ZNF678: variants seen among roughly 807,000 people sequenced by gnomAD.
ZNF678 encodes the protein hypothetical protein MGC42493.
A neutral mutation model predicts 3.0 loss-of-function variants in ZNF678; 5 were observed. That is an observed-to-expected ratio of 1.69 (90% CI 0.88 to 3.56). ZNF678 has a LOEUF of 3.56. Ranked by LOEUF, ZNF678 falls within the 30% of genes most tolerant of loss-of-function variation. The probability of loss-of-function intolerance (pLI) is 0.00; values close to 1 mark genes in which losing one functional copy is unlikely to be tolerated. For synonymous variants in ZNF678, 218 were observed against 199.6 expected (o/e 1.09, Z -0.78); for missense variants, 593 against 605.0 (o/e 0.98, Z 0.21).
chr1:227,589,989 C>G (rs750511965), intron 1 of ZNF678, among the ~76,000 whole-genome samples: 25 of 151,752 alleles, frequency 1.6e-4, no homozygotes, highest in Admixed American at 1.3e-3. Flanking sequence ...CTGTGTCTCC[C>G]TGCATGACAG....
chr1:227,572,368 G>A (rs1656869787), intron 1 of ZNF678, among the ~76,000 whole-genome samples: 2 of 152,232 alleles, frequency 1.3e-5, no homozygotes, highest in African/African-American at 2.4e-5. Context: ...TCTTTGCCAA[G>A]TTCACCTCAG....
intron 1 of ZNF678, among the ~76,000 whole-genome samples, chr1:227,629,251 T>C (rs1367015358): frequency 6.6e-6 from 1 of 152,190 alleles, no homozygotes; most frequent in African/African-American, 2.4e-5. Context: ...TTGAAGGGAA[T>C]GGGCATTCTT....
intron 1 of ZNF678, among the ~76,000 whole-genome samples, chr1:227,613,820 A>G (rs1031697872): frequency 9.2e-5 from 14 of 152,020 alleles, no homozygotes; most frequent in Admixed American, 4.6e-4. Flanking sequence ...TTTACTGTGT[A>G]CCTTGCCTGC....
At chr1:227,570,415 A>G (rs1331883388) in intron 1 of ZNF678, among the ~76,000 whole-genome samples, 1 of 152,230 alleles carries the variant, frequency 6.6e-6, no homozygotes, top group East Asian at 1.9e-4. Context: ...GAGTTAACTT[A>G]CAGATTGCTT....
chr1:227,592,631 C>T (rs778646122), intron 1 of ZNF678, among the ~76,000 whole-genome samples: 5 of 152,198 alleles, frequency 3.3e-5, no homozygotes, highest in Non-Finnish European at 5.9e-5. Context: ...TTAACTGTCA[C>T]CCACTAAAAT....
chr1:227,570,942 TCCA>T (rs112218709), intron 1 of ZNF678, among the ~76,000 whole-genome samples: 31 of 152,300 alleles, frequency 2.0e-4, no homozygotes, highest in African/African-American at 6.7e-4. Context: ...AAGATTTTCA[TCCA>T]CTTTTTTCAA....
intron 1 of ZNF678, among the ~76,000 whole-genome samples, chr1:227,584,672 A>C (rs571059916): frequency 7.9e-5 from 12 of 152,382 alleles, no homozygotes; most frequent in Admixed American, 7.8e-4. Flanking sequence ...GATTGTGCTC[A>C]ACTCTAAATA....
chr1:227,646,339 G>A (rs1396484092), intron 1 of ZNF678, among the ~76,000 whole-genome samples: 2 of 151,700 alleles, frequency 1.3e-5, no homozygotes, highest in Non-Finnish European at 2.9e-5. Context: ...TAAAAATATA[G>A]CATCTACACT....
At chr1:227,673,499 T>TA (rs1157764060) in intron 5 of ZNF678, among the ~76,000 whole-genome samples, 2 of 152,240 alleles carry the variant, frequency 1.3e-5, no homozygotes, top group Non-Finnish European at 2.9e-5. Flanking sequence ...CAAACATCTT[T>TA]AGTCACCTTC....
At chr1:227,633,489 G>A (rs1658602579) in intron 1 of ZNF678, among the ~76,000 whole-genome samples, 1 of 152,210 alleles carries the variant, frequency 6.6e-6, no homozygotes, top group African/African-American at 2.4e-5. Context: ...AAAGGTGGGT[G>A]CAGTCACCTT....
chr1:227,572,564 A>G lies in ZNF678; in HGVS notation c.-164+8840A>G, dbSNP rs114581801. On this transcript the variant is annotated intron_variant, in intron 1 of 3. Transcript: ENST00000343776. ...GGTGGGGAAGAGCGATGGGCACCCA[A>G]TCCTAGCTCACATGCCAAGTGCCAT... Among the ~76,000 whole-genome samples the G allele has an allele frequency of 3.8e-3, 582 of 152,274 alleles. 6 individuals carry two copies. Among genetic ancestry groups the G allele is most frequent in the African/African-American group, 0.013 (552 of 41,554 alleles).
At chr1:227,651,812 A>C (rs1659098585) in intron 3 of ZNF678, among the ~76,000 whole-genome samples, 1 of 152,142 alleles carries the variant, frequency 6.6e-6, no homozygotes, top group South Asian at 2.1e-4. Context: ...GGCCTGAAGT[A>C]ATCCTTCTGC....
At chr1:227,664,211 A>G (rs895731148), downstream of ZNF678, among the ~76,000 whole-genome samples, 30 of 152,216 alleles carry the variant, frequency 2.0e-4, no homozygotes, top group African/African-American at 7.2e-4. Context: ...GGCATAAAAG[A>G]GAATTCCCAT....
At chr1:227,592,916 G>A (rs904228862) in intron 1 of ZNF678, among the ~76,000 whole-genome samples, 1 of 152,242 alleles carries the variant, frequency 6.6e-6, no homozygotes, top group African/African-American at 2.4e-5. Context: ...ACTCGGGGAT[G>A]AACAAGGGCT....
intron 1 of ZNF678, among the ~76,000 whole-genome samples, chr1:227,601,346 G>GAA (rs1657732718): frequency 1.3e-5 from 2 of 152,012 alleles, no homozygotes; most frequent in Non-Finnish European, 2.9e-5. Flanking sequence ...TAATAATACT[G>GAA]ATTTTTTTAA....
intron 1 of ZNF678, among the ~76,000 whole-genome samples, chr1:227,641,553 A>T (rs1427841293): frequency 6.6e-6 from 1 of 152,084 alleles, no homozygotes; most frequent in African/African-American, 2.4e-5. Flanking sequence ...TTTTGTTTTT[A>T]GTTGCTTTTT....
At chr1:227,599,102 C>G (rs1657668002) in intron 1 of ZNF678, 9 of 1,593,556 alleles carry the variant, frequency 5.6e-6, no homozygotes, top group Non-Finnish European at 7.7e-6. Flanking sequence ...ACCCCTTGAT[C>G]TCGCCATTGC....
At chr1:227,608,968 A>G (rs1657947058) in intron 1 of ZNF678, among the ~76,000 whole-genome samples, 1 of 152,222 alleles carries the variant, frequency 6.6e-6, no homozygotes. Context: ...GAATTAAGGT[A>G]TTCCAAATTA....
chr1:227,611,924 AG>A (rs1171554369), intron 1 of ZNF678, among the ~76,000 whole-genome samples: 1 of 152,156 alleles, frequency 6.6e-6, no homozygotes, highest in African/African-American at 2.4e-5. Flanking sequence ...GTCAAATGGA[AG>A]GGATACTTGC....
Sources: allele counts gnomAD v4.1 joint callset (sites outside exome capture counted in the v4.1 genomes callset), GRCh38; gene constraint gnomAD v4.1.1; transcripts MANE v1.5; gene names NCBI Gene and HGNC (gene_info 2026-07-23, HGNC 2026-07-21).